The following MAT2A variants were observed in gnomAD, a reference collection of about 807,000 sequenced individuals.
MAT2A encodes the protein methionine adenosyltransferase 2A, also known as S-adenosylmethionine synthase isoform type-2.
Under a neutral mutation model 43.9 loss-of-function variants are expected in MAT2A, and 3 were observed. The observed-to-expected ratio is 0.07, with a 90% CI of 0.03 to 0.18. MAT2A has a LOEUF of 0.18. MAT2A is among the 10% of genes least tolerant of loss of function. The pLI, the probability that MAT2A is intolerant of heterozygous loss-of-function variation, is 1.00. For missense variants in MAT2A, 204 were observed against 489.0 expected (o/e 0.42, Z 5.50); for synonymous variants, 200 against 168.4 (o/e 1.19, Z -1.45).
At chr2:85,541,036 C>G (rs1327183521) in intron 1 of MAT2A, 47 bp from the exon 2 acceptor site, 10 of 1,369,706 alleles carry the variant, frequency 7.3e-6, no homozygotes, top group Non-Finnish European at 1.0e-5. Flanking sequence ...TACATACATA[C>G]TTTGTTTAAA....
In MAT2A at chr2:85,539,335, C is replaced by T. The variant is rs1287645133; in HGVS notation, c.48C>T (p.Gly16=). 1 of 1,607,118 alleles carries T rather than the reference C, an allele frequency of 6.2e-7. No homozygotes were observed. Among genetic ancestry groups the T allele is most frequent in the Non-Finnish European group, 8.5e-7 (1 of 1,177,214 alleles). Residue 16 remains glycine, a synonymous_variant, in exon 1 of 9, where the codon GGC becomes GGT. Transcript: ENST00000306434. The stretch of plus-strand genomic sequence containing the variant: ...TCCACGAGGCGTTCATCGAGGAGGG[C>T]ACATTCCTTTTCACCTCAGAGTCGG... ...NGFHEAFIEE[G]TFLFTSESVG...
chr2:85,540,557 T>C (rs1691449083), intron 1 of MAT2A, among the ~76,000 whole-genome samples: 1 of 152,208 alleles, frequency 6.6e-6, no homozygotes. Flanking sequence ...TTGTTCTCCC[T>C]CCTAACAATA....
chr2:85,543,139 T>TGGGAATATATTTTAATTCC (rs1691521548), intron 8 of MAT2A, 105 bp downstream of exon 8: 1 of 1,226,402 alleles, frequency 8.2e-7, no homozygotes. Flanking sequence ...ACTCCTCAAA[T>TGGGAATATATTTTAATTCC]GGGAATATAT....
intron 6 of MAT2A, 63 bp downstream of exon 6, chr2:85,542,436 A>G (rs1282265510): frequency 1.3e-6 from 2 of 1,571,362 alleles, no homozygotes; most frequent in Non-Finnish European, 1.7e-6. Context: ...TGGCTACTAC[A>G]TTTTTTTCAG....
In MAT2A at chr2:85,539,240, C is replaced by T. The variant is rs1057524274; in HGVS notation, c.-48C>T. On this transcript the variant is annotated 5_prime_UTR_variant, in exon 1 of 9. Transcript: ENST00000306434. Reference sequence around the variant, plus strand: ...CTTGCGCATTTCGCAGCCGCTGCCGCCTCGCCGCTGCTCCTTCGTAAGGCC... The same window carrying T: ...CTTGCGCATTTCGCAGCCGCTGCCGTCTCGCCGCTGCTCCTTCGTAAGGCC... The T allele has an allele frequency of 7.2e-7, 1 of 1,382,668 alleles. No individual in the cohort carries two copies. The highest frequency in any genetic ancestry group is 1.8e-4 in the Middle Eastern group (1 of 5,600). 85.6% of individuals were successfully genotyped at this position (1,382,668 alleles called of 1,614,324 possible). A position where few individuals can be genotyped will look rare whatever the true frequency, so the allele number is the denominator to read the frequency against.
chr2:85,539,562 C>T (rs1009865921), intron 1 of MAT2A, 184 bp downstream of exon 1: 28 of 486,230 alleles, frequency 5.8e-5, no homozygotes, highest in Non-Finnish European at 8.4e-5. Flanking sequence ...CGCCGCTCCT[C>T]TTCCCCCTCC....
intron 1 of MAT2A, 118 bp from the exon 2 acceptor site, chr2:85,540,965 G>A (rs1691462389): frequency 1.5e-6 from 1 of 674,976 alleles, no homozygotes; most frequent in Non-Finnish European, 2.6e-6. Context: ...GATGTATTAA[G>A]CATGTTTTTT....
rs1455769270 is a variant in MAT2A, at chr2:85,544,005, G to A, written c.*233G>A. The A allele has an allele frequency of 5.1e-6, 2 of 390,896 alleles. No individual in the cohort carries two copies. The highest frequency in any genetic ancestry group is 9.3e-6 in the Non-Finnish European group (2 of 215,028). 24.2% of individuals were successfully genotyped at this position (390,896 alleles called of 1,614,324 possible). On this transcript the variant is annotated 3_prime_UTR_variant, in exon 9 of 9. Coordinates refer to ENST00000306434, the MANE Select transcript of MAT2A (RefSeq NM_005911.6). Reference sequence around the variant, plus strand: ...CATTATAATGAATTTAGTGAGCATAGGTGATCCATGTAACTGCCTAGAAAC... The same window carrying A: ...CATTATAATGAATTTAGTGAGCATAAGTGATCCATGTAACTGCCTAGAAAC...
rs893153731 is a variant in MAT2A, at chr2:85,539,232, C to A, written c.-56C>A. 5 of 1,303,668 alleles carry A rather than the reference C, an allele frequency of 3.8e-6. No homozygotes were observed. Among genetic ancestry groups the A allele is most frequent in the South Asian group, 2.5e-5 (2 of 79,280 alleles). The allele number at this position is 1,303,668 out of a possible 1,614,324, so 80.8% of individuals were successfully genotyped here. ...GTCCGCAGCTTGCGCATTTCGCAGCCGCTGCCGCCTCGCCGCTGCTCCTTC... is the reference window on the plus strand; with the variant it reads ...GTCCGCAGCTTGCGCATTTCGCAGCAGCTGCCGCCTCGCCGCTGCTCCTTC... On this transcript the variant is annotated 5_prime_UTR_variant, in exon 1 of 9. Transcript: ENST00000306434.
At position 85,543,659 on chromosome 2, in the gene MAT2A, G is replaced by C; in HGVS notation, c.1086-11G>C. On this transcript the variant is annotated splice_polypyrimidine_tract_variant and intron_variant, in intron 8 of 8. Transcript: ENST00000306434. ...ATGCTACATATTAAGTTACGGACTTGTATATTCCAGGGATCTGGATCTGAA... is the reference window on the plus strand; with the variant it reads ...ATGCTACATATTAAGTTACGGACTTCTATATTCCAGGGATCTGGATCTGAA... 6.5e-7 allele frequency: 1 copy of C among 1,541,946 alleles called. No homozygotes were observed. Among genetic ancestry groups the C allele is most frequent in the Non-Finnish European group, 8.9e-7 (1 of 1,117,902 alleles).
At position 85,542,723 on chromosome 2, in the gene MAT2A, T is replaced by C. The variant is rs1200239069; in HGVS notation, c.927T>C (p.Gly309=). ...RWVAKSLVKG[G]LCRRVLVQVS... is the part of the protein sequence containing the mutation. ...TGGCAAAATCCCTTGTTAAAGGAGG[T>C]CTGTGCCGGAGGGTTCTTGTTCAGG... The change falls in exon 7 of 9, where the codon GGT becomes GGC. Residue 309 remains glycine, a synonymous_variant. Transcript: ENST00000306434. The C allele has an allele frequency of 1.2e-6, 2 of 1,613,090 alleles. No homozygotes were observed. The highest frequency in any genetic ancestry group is 1.7e-6 in the Non-Finnish European group (2 of 1,179,282).
At chr2:85,539,505 G>T in intron 1 of MAT2A, 127 bp downstream of exon 1, 1 of 629,680 alleles carries the variant, frequency 1.6e-6, no homozygotes. Context: ...TGGAAGAGCG[G>T]CGACCGCGCG....
intron 8 of MAT2A, chr2:85,543,267 G>T: frequency 2.0e-6 from 1 of 501,394 alleles, no homozygotes; most frequent in Non-Finnish European, 3.6e-6. Flanking sequence ...TTCCAGATTT[G>T]ATATTTGAGC....
At chr2:85,541,506 A>C in intron 3 of MAT2A, 127 bp from the exon 4 acceptor site, 2 of 1,333,606 alleles carry the variant, frequency 1.5e-6, no homozygotes, top group Non-Finnish European at 2.1e-6. Context: ...TATTCTGTTC[A>C]TTCTCTAAAA....
intron 2 of MAT2A, 46 bp from the exon 3 acceptor site, chr2:85,541,209 T>G (rs1422859816): frequency 1.2e-6 from 2 of 1,610,370 alleles, no homozygotes; most frequent in Non-Finnish European, 1.7e-6. Context: ...GCATAAAAAT[T>G]ATTTTTATAG....
At position 85,542,181 on chromosome 2, in the gene MAT2A, A is replaced by G. The variant is rs1194484247; in HGVS notation, c.576A>G (p.Arg192=). 3.7e-6 allele frequency: 6 copies of G among 1,613,996 alleles called. No homozygotes were observed. The South Asian group carries it at 5.5e-5, about 15-fold the overall frequency. The change falls in exon 6 of 9, where the codon CGA becomes CGG. Residue 192 remains arginine (R), a synonymous_variant. Coordinates refer to ENST00000306434, the MANE Select transcript of MAT2A (RefSeq NM_005911.6). ...TTACTGTGCAGTATATGCAGGATCG[A>G]GGTGCTGTGCTTCCCATCAGAGTCC... ...TQVTVQYMQD[R]GAVLPIRVHT...
chr2:85,542,384 T>A lies in MAT2A; in HGVS notation c.768+11T>A, dbSNP rs1229012544. On this transcript the variant is annotated intron_variant, in intron 6 of 8. Coordinates refer to ENST00000306434, the MANE Select transcript of MAT2A (RefSeq NM_005911.6). ...ATTGGTGGGCCTCAGGTAATGTCAT[T>A]TTGTTGCATTTTTCTGGATTTTTGA... The A allele has an allele frequency of 6.2e-7, 1 of 1,609,284 alleles. No individual in the cohort carries two copies. Among genetic ancestry groups the A allele is most frequent in the East Asian group, 2.2e-5 (1 of 44,830 alleles).
At position 85,541,177 on chromosome 2, in the gene MAT2A, CT is replaced by C; in HGVS notation, c.169+19del. 6.2e-7 allele frequency: 1 copy of C among 1,613,166 alleles called. No homozygotes were observed. Among genetic ancestry groups the C allele is most frequent in the Non-Finnish European group, 8.5e-7 (1 of 1,179,364 alleles). On this transcript the variant is annotated intron_variant, in intron 2 of 8. Transcript: ENST00000306434. ...TAGCTTGTGGTAGGTTCAGAATGTG[CT>C]TATCAACTGGTGGAAAGATAGCATA... is the stretch of plus-strand genomic sequence containing the variant.
chr2:85,541,027 A>G (rs547797999), intron 1 of MAT2A, 56 bp from the exon 2 acceptor site: 2 of 1,196,940 alleles, frequency 1.7e-6, no homozygotes, highest in South Asian at 1.3e-5. Flanking sequence ...TTGCATACAT[A>G]CATACATACT....
Sources: allele counts gnomAD v4.1 joint callset (sites outside exome capture counted in the v4.1 genomes callset), GRCh38; gene constraint gnomAD v4.1.1; transcripts MANE v1.5; gene names NCBI Gene and HGNC (gene_info 2026-07-23, HGNC 2026-07-21).